The following CCDC187 variants were observed in gnomAD, a reference collection of about 807,000 sequenced individuals.
CCDC187 encodes coiled-coil domain-containing protein 187.
A neutral mutation model predicts 38.0 loss-of-function variants in CCDC187; 32 were observed. That is an observed-to-expected ratio of 0.84 (90% CI 0.64 to 1.13). The LOEUF (loss-of-function observed/expected upper bound fraction) is 1.13, where lower values mean the gene tolerates loss of function less well. CCDC187 is among the 50% of genes most tolerant of loss of function. CCDC187 has a pLI of 0.00. For synonymous variants in CCDC187, 333 were observed against 347.9 expected, an observed-to-expected ratio of 0.96 and a Z score of 0.48; for missense variants, 707 against 786.8, an observed-to-expected ratio of 0.90 and a Z score of 1.21.
intron 3 of CCDC187, among the ~76,000 whole-genome samples, chr9:136,298,969 C>T (rs935841565): frequency 3.3e-5 from 5 of 152,304 alleles, no homozygotes; most frequent in Admixed American, 1.3e-4. Flanking sequence ...AAACTCGGAG[C>T]GTGAAAACGA....
chr9:136,281,099 G>C, intron 10 of CCDC187: 1 of 264,170 alleles, frequency 3.8e-6, no homozygotes, highest in Admixed American at 5.4e-5. Flanking sequence ...GTCCTACAGC[G>C]CAGCCCACGC....
intron 9 of CCDC187, among the ~76,000 whole-genome samples, chr9:136,284,250 G>A (rs1227457378): frequency 6.6e-6 from 1 of 152,146 alleles, no homozygotes; most frequent in Non-Finnish European, 1.5e-5. Flanking sequence ...AGGGCTACAC[G>A]TGGTGTCTGC....
intron 14 of CCDC187, among the ~76,000 whole-genome samples, chr9:136,272,728 G>T (rs1554762606): frequency 6.6e-6 from 1 of 151,150 alleles, no homozygotes; most frequent in Admixed American, 6.6e-5. Flanking sequence ...ACAAAAACTA[G>T]CTTGGGGTGG....
At chr9:136,305,432 C>T (rs996476208), upstream of CCDC187, among the ~76,000 whole-genome samples, 224 of 152,314 alleles carry the variant, frequency 1.5e-3, 1 homozygote, top group Non-Finnish European at 1.7e-3. Flanking sequence ...CCTCGCCCTG[C>T]CCAGGGACCC....
chr9:136,266,833 A>G (rs1457679563), intron 16 of CCDC187: 1 of 152,284 alleles, frequency 6.6e-6, no homozygotes, highest in Admixed American at 6.5e-5. Flanking sequence ...CTGTAATCCC[A>G]GCACTTTGAG....
At chr9:136,292,432 C>T (rs1208561099) in intron 4 of CCDC187, 137 bp from the exon 5 acceptor site, 1 of 396,426 alleles carries the variant, frequency 2.5e-6, no homozygotes, top group Non-Finnish European at 4.4e-6. Flanking sequence ...GGATATCCCT[C>T]ATGTCCAGGC....
intron 9 of CCDC187, 89 bp downstream of exon 9, chr9:136,285,420 TGGGC>T (rs1831152294): frequency 9.9e-6 from 4 of 402,490 alleles, no homozygotes; most frequent in Non-Finnish European, 1.8e-5. Context: ...CCCGTGAGCG[TGGGC>T]GGGCAGGTGG....
In CCDC187 at chr9:136,285,608, T is replaced by C. The variant is rs905820042; in HGVS notation, c.2834-2A>G. On this transcript the variant is annotated splice_acceptor_variant, in intron 8 of 25. Transcript: ENST00000638797. LOFTEE classifies it high-confidence loss of function. The stretch of plus-strand genomic sequence containing the variant: ...CCACGTGTCCCTCCTCTGGAAAACC[T>C]TGGAGAAGAGGGCACCTGGCTTCAC... 1 of 400,234 alleles carries C rather than the reference T, an allele frequency of 2.5e-6. No individual in the cohort carries two copies. Among genetic ancestry groups the C allele is most frequent in the African/African-American group, 2.1e-5 (1 of 48,752 alleles). 24.8% of individuals were successfully genotyped at this position (400,234 alleles called of 1,614,324 possible).
At chr9:136,293,343 T>C (rs1433616548) in intron 4 of CCDC187, among the ~76,000 whole-genome samples, 2 of 123,758 alleles carry the variant, frequency 1.6e-5, no homozygotes, top group East Asian at 2.5e-4. Context: ...ACACTCACAC[T>C]CACATGCTCA....
intron 9 of CCDC187, among the ~76,000 whole-genome samples, chr9:136,283,772 C>CA (rs1409572213): frequency 6.6e-6 from 1 of 152,320 alleles, no homozygotes; most frequent in East Asian, 1.9e-4. Context: ...CCCGGGAGCC[C>CA]GGGGCACTGA....
At chr9:136,294,334 A>G (rs1334754361) in intron 4 of CCDC187, among the ~76,000 whole-genome samples, 1 of 152,130 alleles carries the variant, frequency 6.6e-6, no homozygotes, top group Non-Finnish European at 1.5e-5. Context: ...GTGCTCTCAC[A>G]CACACATTCA....
chr9:136,258,824 T>C lies in CCDC187; in HGVS notation c.4366+108A>G, dbSNP rs1830646452. The C allele has an allele frequency of 1.0e-6, 1 of 985,410 alleles. No individual in the cohort carries two copies. Among genetic ancestry groups the C allele is most frequent in the Non-Finnish European group, 1.2e-6 (1 of 830,014 alleles). 61.0% of individuals were successfully genotyped at this position (985,410 alleles called of 1,614,324 possible). On this transcript the variant is annotated intron_variant, in intron 22 of 25. Coordinates refer to ENST00000638797, the MANE Select transcript of CCDC187 (RefSeq NM_001378188.1). This position sits in a 1 kb window ranked among gnomAD's most constrained non-coding sequence, Gnocchi z 4.3. Reference sequence around the variant, plus strand: ...GGCCACCAGGGCCCATCTTCTTTGCTTTCCGTCCTTGTCCAGTGGCTGAGC... The same window carrying C: ...GGCCACCAGGGCCCATCTTCTTTGCCTTCCGTCCTTGTCCAGTGGCTGAGC...
chr9:136,269,861 TTAAGA>T (rs1177588187), intron 14 of CCDC187, among the ~76,000 whole-genome samples: 11 of 152,228 alleles, frequency 7.2e-5, no homozygotes, highest in Admixed American at 7.2e-4. Context: ...ATCGCATATG[TTAAGA>T]TGTTAAGTAG....
intron 2 of CCDC187, among the ~76,000 whole-genome samples, chr9:136,302,373 C>T (rs36170921): frequency 0.55 from 79,015 of 144,170 alleles, 25,028 homozygotes; most frequent in Non-Finnish European, 0.72. Context: ...AGGACAAGAC[C>T]CCCCCACCAC....
intron 7 of CCDC187, among the ~76,000 whole-genome samples, chr9:136,287,263 A>C (rs1831204117): frequency 6.6e-6 from 1 of 152,186 alleles, no homozygotes. Flanking sequence ...AACTGGCCCG[A>C]TGGTCCCCTG....
intron 7 of CCDC187, 147 bp from the exon 8 acceptor site, chr9:136,286,842 C>T (rs1343748489): frequency 1.3e-5 from 5 of 396,920 alleles, no homozygotes; most frequent in Non-Finnish European, 1.8e-5. Context: ...GAAGCGGTGA[C>T]GGTATCCACA....
intron 7 of CCDC187, among the ~76,000 whole-genome samples, chr9:136,287,155 G>A (rs1216931218): frequency 1.3e-5 from 2 of 152,184 alleles, no homozygotes; most frequent in Non-Finnish European, 2.9e-5. Context: ...GAGGTCCACC[G>A]ACACGGCGGA....
At chr9:136,282,258 G>A (rs1831062922) in intron 9 of CCDC187, among the ~76,000 whole-genome samples, 2 of 152,302 alleles carry the variant, frequency 1.3e-5, no homozygotes, top group South Asian at 4.1e-4. Context: ...TGTGACCATG[G>A]AGGCAGGTAC....
chr9:136,305,867 G>A (rs1402823211), upstream of CCDC187, among the ~76,000 whole-genome samples: 8 of 152,128 alleles, frequency 5.3e-5, no homozygotes, highest in African/African-American at 1.9e-4. Context: ...GGGGGACAGC[G>A]GAGCGTCTGC....
Sources: gnomAD v4.1 joint callset for allele counts (sites outside exome capture counted in the v4.1 genomes callset) on GRCh38, gnomAD v4.1.1 for gene constraint, Gnocchi (gnomAD v3.1) non-coding constraint, MANE v1.5 for transcripts, NCBI Gene and HGNC (gene_info 2026-07-23, HGNC 2026-07-21) for gene names.